LDLRAD4: variants seen among roughly 807,000 people sequenced by gnomAD.
LDLRAD4 encodes the protein low-density lipoprotein receptor class A domain-containing protein 4.
Under a neutral mutation model 17.0 loss-of-function variants are expected in LDLRAD4, and 5 were observed. The ratio of observed to expected loss-of-function variants is 0.29; its 90% CI spans 0.15 to 0.62. LDLRAD4 has a LOEUF of 0.62. LDLRAD4 is among the 20% of genes least tolerant of loss of function. The pLI is 0.84. For synonymous variants in LDLRAD4, 168 were observed against 171.8 expected, an observed-to-expected ratio of 0.98 and a Z score of 0.17; for missense variants, 340 against 424.7, an observed-to-expected ratio of 0.80 and a Z score of 1.75.
intron 1 of LDLRAD4, among the ~76,000 whole-genome samples, chr18:13,231,081 C>T (rs1020159326): frequency 5.9e-5 from 9 of 152,192 alleles, no homozygotes; most frequent in African/African-American, 1.9e-4. Context: ...GTCCAGGGTG[C>T]TGCGGGGCTG....
chr18:13,298,074 G>A (rs569352496), intron 1 of LDLRAD4, among the ~76,000 whole-genome samples: 1 of 152,212 alleles, frequency 6.6e-6, no homozygotes. Flanking sequence ...CACAGTGATG[G>A]GTAAGCCAGA....
At chr18:13,607,770 T>C (rs968344516) in intron 3 of LDLRAD4, among the ~76,000 whole-genome samples, 21 of 152,254 alleles carry the variant, frequency 1.4e-4, no homozygotes, top group African/African-American at 4.3e-4. Flanking sequence ...GCAAAGGACA[T>C]GAACTCATTC....
intron 3 of LDLRAD4, chr18:13,612,282 G>C: frequency 9.9e-7 from 1 of 1,007,872 alleles, no homozygotes; most frequent in Non-Finnish European, 1.2e-6. Context: ...CCAAACCTGA[G>C]AAGTGCAGAC....
At chr18:13,334,737 G>C (rs73421316) in intron 1 of LDLRAD4, among the ~76,000 whole-genome samples, 2,557 of 151,850 alleles carry the variant, frequency 0.017, 41 homozygotes, top group African/African-American at 0.049. Context: ...GTACAATCTT[G>C]AAAACTAGTG....
At position 13,641,993 on chromosome 18, in the gene LDLRAD4, G is replaced by T. The variant is rs1056265364; in HGVS notation, c.337-1366G>T. ...AGCCTGGGCCCTGGGCGGTGGGAGG[G>T]CCTCCGCCCCCTTCCCGCTTCCGCC... On this transcript the variant is annotated intron_variant, in intron 4 of 5. Coordinates refer to ENST00000359446, the Ensembl canonical transcript of LDLRAD4. 3 of 984,858 alleles carry T rather than the reference G, an allele frequency of 3.0e-6. No homozygotes were observed. In the African/African-American group the frequency reaches 5.2e-5, roughly 17 times the overall value. The allele number at this position is 984,858 out of a possible 1,614,324, so 61.0% of individuals were successfully genotyped here.
At chr18:13,347,420 A>G (rs990046803) in intron 1 of LDLRAD4, among the ~76,000 whole-genome samples, 3 of 152,164 alleles carry the variant, frequency 2.0e-5, no homozygotes, top group Admixed American at 6.5e-5. Flanking sequence ...TCTGGCTTGT[A>G]GAGTTTCTGC....
intron 1 of LDLRAD4, among the ~76,000 whole-genome samples, chr18:13,347,702 G>T (rs2082773418): frequency 6.6e-6 from 1 of 152,144 alleles, no homozygotes; most frequent in Admixed American, 6.5e-5. Flanking sequence ...GTCACTTTCA[G>T]GTACACCAAT....
intron 1 of LDLRAD4, among the ~76,000 whole-genome samples, chr18:13,254,133 G>A (rs908173489): frequency 6.6e-6 from 1 of 152,252 alleles, no homozygotes; most frequent in Non-Finnish European, 1.5e-5. Flanking sequence ...GATTTCTGGA[G>A]GCAGGTGATG....
intron 1 of LDLRAD4, among the ~76,000 whole-genome samples, chr18:13,374,360 T>G (rs776323882): frequency 1.3e-5 from 2 of 152,238 alleles, no homozygotes; most frequent in Non-Finnish European, 1.5e-5. Flanking sequence ...GGAGTGGCTG[T>G]CTGTCCATTG....
chr18:13,361,079 T>C (rs546143060), intron 1 of LDLRAD4, among the ~76,000 whole-genome samples: 2 of 152,164 alleles, frequency 1.3e-5, no homozygotes, highest in African/African-American at 4.8e-5. Context: ...ACACGTGACA[T>C]CTGTGCAGAG....
intron 3 of LDLRAD4, among the ~76,000 whole-genome samples, chr18:13,443,461 G>T (rs1425674284): frequency 6.6e-6 from 1 of 152,098 alleles, no homozygotes; most frequent in Non-Finnish European, 1.5e-5. Context: ...TATAATTATT[G>T]CAGTAAACCT....
intron 1 of LDLRAD4, among the ~76,000 whole-genome samples, chr18:13,283,267 C>A (rs1479643421): frequency 6.6e-6 from 1 of 152,210 alleles, no homozygotes. Context: ...TTGAATTTCT[C>A]CTCAGAAAAT....
At chr18:13,260,543 C>G (rs2043758476) in intron 1 of LDLRAD4, among the ~76,000 whole-genome samples, 1 of 152,212 alleles carries the variant, frequency 6.6e-6, no homozygotes, top group African/African-American at 2.4e-5. Context: ...TTCAGGGTGA[C>G]TGGGGCATGT....
chr18:13,357,532 C>T (rs895341346), intron 1 of LDLRAD4, among the ~76,000 whole-genome samples: 1 of 152,112 alleles, frequency 6.6e-6, no homozygotes, highest in African/African-American at 2.4e-5. Flanking sequence ...TTTGTTTATC[C>T]TCTGTATTTC....
chr18:13,321,257 G>A (rs1167344712), intron 1 of LDLRAD4, among the ~76,000 whole-genome samples: 1 of 152,188 alleles, frequency 6.6e-6, no homozygotes, highest in Non-Finnish European at 1.5e-5. Flanking sequence ...AGGCCTATGC[G>A]CGGTTTGGCT....
At chr18:13,279,793 C>T (rs142579192) in intron 1 of LDLRAD4, 12 of 152,332 alleles carry the variant, frequency 7.9e-5, no homozygotes, top group African/African-American at 2.4e-4. Flanking sequence ...TGCAGAACTG[C>T]GTGGCGCTTC....
At chr18:13,587,537 G>A (rs548537784) in intron 3 of LDLRAD4, among the ~76,000 whole-genome samples, 2 of 152,260 alleles carry the variant, frequency 1.3e-5, no homozygotes, top group South Asian at 2.1e-4. Flanking sequence ...TCATAGGGTG[G>A]AATCTTCAAG....
chr18:13,548,566 A>G (rs1470164811), intron 3 of LDLRAD4, among the ~76,000 whole-genome samples: 3 of 152,206 alleles, frequency 2.0e-5, no homozygotes, highest in Non-Finnish European at 4.4e-5. Flanking sequence ...GTTTGCTTCA[A>G]AATTGGAGTG....
intron 1 of LDLRAD4, among the ~76,000 whole-genome samples, chr18:13,358,977 A>G (rs191501463): frequency 1.3e-5 from 2 of 152,330 alleles, no homozygotes; most frequent in Admixed American, 1.3e-4. Context: ...GTAAACCAAA[A>G]CACAACAAAA....
Sources: gnomAD v4.1 joint callset for allele counts (sites outside exome capture counted in the v4.1 genomes callset) on GRCh38, gnomAD v4.1.1 for gene constraint, MANE v1.5 for transcripts, NCBI Gene and HGNC (gene_info 2026-07-23, HGNC 2026-07-21) for gene names.